UBE3A: variants seen among roughly 807,000 people sequenced by gnomAD.
The protein encoded by UBE3A is ubiquitin-protein ligase E3A.
In UBE3A, 6 loss-of-function variants were observed where a neutral mutation model predicts 83.4. The observed-to-expected ratio is 0.07, with a 90% CI of 0.04 to 0.14. The LOEUF (loss-of-function observed/expected upper bound fraction) is 0.14, where lower values mean the gene tolerates loss of function less well. UBE3A is among the 10% of genes least tolerant of loss of function. The probability of loss-of-function intolerance (pLI) is 1.00; values close to 1 mark genes in which losing one functional copy is unlikely to be tolerated. For missense variants in UBE3A, 456 were observed against 1,036.1 expected (o/e 0.44, Z 7.69); for synonymous variants, 337 against 355.4 (o/e 0.95, Z 0.58).
chr15:25,353,516 A>G (rs902932732), intron 11 of UBE3A, among the ~76,000 whole-genome samples: 7 of 152,054 alleles, frequency 4.6e-5, no homozygotes, highest in African/African-American at 1.4e-4. Context: ...CTTAGTTGAG[A>G]AAAAAAATCT....
intron 1 of UBE3A, among the ~76,000 whole-genome samples, chr15:25,436,587 A>G (rs1008434123): frequency 2.0e-5 from 3 of 152,162 alleles, no homozygotes; most frequent in Non-Finnish European, 4.4e-5. Context: ...AATGATCGAA[A>G]TAGAAATTAT....
chr15:25,382,089 C>A (rs568508227), intron 4 of UBE3A, among the ~76,000 whole-genome samples: 3 of 152,184 alleles, frequency 2.0e-5, no homozygotes, highest in African/African-American at 7.2e-5. Flanking sequence ...GAGGCCGAGG[C>A]AGGCGGATCA....
intron 3 of UBE3A, chr15:25,408,634 G>A: frequency 6.2e-7 from 1 of 1,613,780 alleles, no homozygotes; most frequent in Non-Finnish European, 8.5e-7. Flanking sequence ...AATAACACTG[G>A]TGCAGCTTCT....
At chr15:25,416,498 G>C (rs1051276025) in intron 1 of UBE3A, among the ~76,000 whole-genome samples, 29 of 152,116 alleles carry the variant, frequency 1.9e-4, no homozygotes, top group African/African-American at 6.3e-4. Context: ...GGTTACACAT[G>C]GAAGAAAAGG....
chr15:25,402,228 T>C (rs1427627468), intron 4 of UBE3A, among the ~76,000 whole-genome samples: 9 of 152,248 alleles, frequency 5.9e-5, no homozygotes, highest in African/African-American at 1.9e-4. Context: ...CCAGAGATTA[T>C]GCAGCCTGAG....
At chr15:25,361,327 C>T (rs185415805) in intron 6 of UBE3A, among the ~76,000 whole-genome samples, 46 of 151,994 alleles carry the variant, frequency 3.0e-4, no homozygotes, top group African/African-American at 1.0e-3. Context: ...GGTTTCACTA[C>T]GTTTGCCAGG....
At chr15:25,420,578 G>A (rs889115035) in intron 1 of UBE3A, 1 of 152,030 alleles carries the variant, frequency 6.6e-6, no homozygotes, top group African/African-American at 2.4e-5. Context: ...CAGTCATGAA[G>A]AAAATGTAAA....
intron 1 of UBE3A, among the ~76,000 whole-genome samples, chr15:25,428,021 G>A (rs1212728236): frequency 2.0e-5 from 3 of 152,018 alleles, no homozygotes; most frequent in Non-Finnish European, 2.9e-5. Flanking sequence ...ACTCATACAT[G>A]GGCTAAAAAA....
chr15:25,431,942 G>A (rs1893582423), intron 1 of UBE3A, among the ~76,000 whole-genome samples: 1 of 152,088 alleles, frequency 6.6e-6, no homozygotes, highest in East Asian at 1.9e-4. Context: ...CAATTAACAA[G>A]CTGGAAATAA....
intron 4 of UBE3A, among the ~76,000 whole-genome samples, 196 bp downstream of exon 4, chr15:25,405,265 G>A (rs991132997): frequency 1.3e-5 from 2 of 152,098 alleles, no homozygotes; most frequent in East Asian, 1.9e-4. Context: ...CTATCTAGTA[G>A]TAGAAACCTA....
At chr15:25,349,964 T>C (rs949098154) in intron 11 of UBE3A, among the ~76,000 whole-genome samples, 1 of 152,130 alleles carries the variant, frequency 6.6e-6, no homozygotes, top group Non-Finnish European at 1.5e-5. Flanking sequence ...TAGCATGTAA[T>C]TTAAAACTTA....
In UBE3A at chr15:25,375,461, T is replaced by C; in HGVS notation, c.361+4A>G. ...AATTCTCAATTGAAAATAAAACATCTTACCTTTAAAATCAATTCTAGCGCC... is the reference window on the plus strand; with the variant it reads ...AATTCTCAATTGAAAATAAAACATCCTACCTTTAAAATCAATTCTAGCGCC... On this transcript the variant is annotated splice_donor_region_variant and intron_variant, in intron 5 of 12. Coordinates refer to ENST00000648336, the MANE Select transcript of UBE3A (RefSeq NM_130839.5). 6.2e-7 allele frequency: 1 copy of C among 1,613,862 alleles called. No homozygotes were observed. Among genetic ancestry groups the C allele is most frequent in the Non-Finnish European group, 8.5e-7 (1 of 1,179,948 alleles).
In UBE3A at chr15:25,339,162, T is replaced by A; in HGVS notation, c.2594A>T (p.Tyr865Phe). The change falls in exon 13 of 13, where the codon TAT becomes TTT. Residue 865 changes from tyrosine (Y) to phenylalanine (F), a missense_variant. Tyr to Phe is a conservative substitution (Grantham distance 22, BLOSUM62 3). Transcript: ENST00000648336. ...LKERLLKAIT[Y>F]AKGFGML ...TTACAGCATGCCAAATCCTTTGGCA[T>A]ACGTGATGGCCTTCAACAATCTCTC... 1 of 1,609,376 alleles carries A rather than the reference T, an allele frequency of 6.2e-7. No individual in the cohort carries two copies. The highest frequency in any genetic ancestry group is 8.5e-7 in the Non-Finnish European group (1 of 1,177,686).
At chr15:25,381,399 GA>G (rs1407241964) in intron 4 of UBE3A, among the ~76,000 whole-genome samples, 2 of 152,046 alleles carry the variant, frequency 1.3e-5, no homozygotes, top group African/African-American at 4.8e-5. Flanking sequence ...AGTAAGATTA[GA>G]ATTACAATTA....
In UBE3A at chr15:25,354,307, C is replaced by A. The variant is rs1056517078; in HGVS notation, c.2354+46G>T. 11 of 1,577,320 alleles carry A rather than the reference C, an allele frequency of 7.0e-6. No individual in the cohort carries two copies. In the South Asian group the frequency reaches 1.1e-4, roughly 16 times the overall value. Reference sequence around the variant, plus strand: ...TAAAGGTCTGAAGCAAAATCACACACCCCTTTGGTGAATCAAATCTTCCTC... The same window carrying A: ...TAAAGGTCTGAAGCAAAATCACACAACCCTTTGGTGAATCAAATCTTCCTC... On this transcript the variant is annotated intron_variant, in intron 11 of 12. Transcript: ENST00000648336.
chr15:25,423,462 C>A (rs1890409288), intron 1 of UBE3A, among the ~76,000 whole-genome samples: 1 of 152,074 alleles, frequency 6.6e-6, no homozygotes. Context: ...ATAACAGGTA[C>A]CATCATTGCA....
intron 4 of UBE3A, among the ~76,000 whole-genome samples, chr15:25,402,738 GT>G (rs1456450599): frequency 6.6e-6 from 1 of 152,228 alleles, no homozygotes; most frequent in Non-Finnish European, 1.5e-5. Context: ...TGAGGGAGGT[GT>G]GACACAAGTA....
At chr15:25,414,635 G>T (rs1409632503) in intron 1 of UBE3A, among the ~76,000 whole-genome samples, 1 of 152,178 alleles carries the variant, frequency 6.6e-6, no homozygotes, top group Non-Finnish European at 1.5e-5. Flanking sequence ...TATCAGTCCA[G>T]CTGCTCAAAT....
chr15:25,377,509 A>G (rs2081409091), intron 4 of UBE3A, among the ~76,000 whole-genome samples: 1 of 152,224 alleles, frequency 6.6e-6, no homozygotes, highest in African/African-American at 2.4e-5. Flanking sequence ...AAACATGTAA[A>G]AATAAAATGG....
Sources: allele counts gnomAD v4.1 joint callset (sites outside exome capture counted in the v4.1 genomes callset), GRCh38; gene constraint gnomAD v4.1.1; transcripts MANE v1.5; gene names NCBI Gene and HGNC (gene_info 2026-07-23, HGNC 2026-07-21).